The following RABGAP1L variants were observed in gnomAD, a reference collection of about 807,000 sequenced individuals.
The protein encoded by RABGAP1L is rab GTPase-activating protein 1-like.
Under a neutral mutation model 137.7 loss-of-function variants are expected in RABGAP1L, and 63 were observed. That is an observed-to-expected ratio of 0.46 (90% CI 0.37 to 0.56). The LOEUF is 0.56. Ranked by LOEUF, RABGAP1L falls within the 20% of genes least tolerant of loss-of-function variation. RABGAP1L has a pLI of 0.00. For missense variants in RABGAP1L, 1,095 were observed against 1,244.0 expected (o/e 0.88, Z 1.80); for synonymous variants, 431 against 433.7 (o/e 0.99, Z 0.08).
In RABGAP1L at chr1:174,256,308, A is replaced by G. The variant is rs114658894; in HGVS notation, c.986+3718A>G. Among the ~76,000 whole-genome samples the G allele has an allele frequency of 3.9e-3, 595 of 152,210 alleles. 4 individuals are homozygous for G. The highest frequency in any genetic ancestry group is 0.012 in the African/African-American group (514 of 41,530). On this transcript the variant is annotated intron_variant, in intron 7 of 25. Transcript: ENST00000681986. ...CAGATTATATATTGCTGCATAGTTT[A>G]TATGTCCTTCACAGAGTATCACATC...
At chr1:174,717,045 A>C (rs1681077863) in intron 17 of RABGAP1L, among the ~76,000 whole-genome samples, 1 of 152,206 alleles carries the variant, frequency 6.6e-6, no homozygotes, top group African/African-American at 2.4e-5. Flanking sequence ...GAGAAGAATT[A>C]GTGCATTCTT....
At chr1:174,842,122 A>T (rs1225133977) in intron 19 of RABGAP1L, among the ~76,000 whole-genome samples, 3 of 152,242 alleles carry the variant, frequency 2.0e-5, no homozygotes, top group Non-Finnish European at 4.4e-5. Context: ...TAGTTTGTTC[A>T]TATAACAAAT....
intron 17 of RABGAP1L, among the ~76,000 whole-genome samples, chr1:174,744,215 A>G (rs935851996): frequency 3.3e-5 from 5 of 151,888 alleles, no homozygotes; most frequent in African/African-American, 7.3e-5. Context: ...ATCAAGCACC[A>G]TTAGCCAACC....
At chr1:174,440,598 C>T (rs977047858) in intron 13 of RABGAP1L, among the ~76,000 whole-genome samples, 1 of 152,080 alleles carries the variant, frequency 6.6e-6, no homozygotes, top group Non-Finnish European at 1.5e-5. Flanking sequence ...TTTTTTGAGA[C>T]AGTCTCACTC....
At chr1:174,529,188 TATTA>T (rs1209349529) in intron 13 of RABGAP1L, among the ~76,000 whole-genome samples, 1 of 152,012 alleles carries the variant, frequency 6.6e-6, no homozygotes, top group Non-Finnish European at 1.5e-5. Flanking sequence ...TCTTTGGAGG[TATTA>T]ATATTTCCTT....
chr1:174,455,064 GAAAATAACAGTAAT>G (rs1324797833), intron 13 of RABGAP1L, among the ~76,000 whole-genome samples: 1 of 152,014 alleles, frequency 6.6e-6, no homozygotes, highest in African/African-American at 2.4e-5. Context: ...CAAAGGTGAA[GAAAATAACAGTAAT>G]AAATTTAGCA....
intron 13 of RABGAP1L, among the ~76,000 whole-genome samples, chr1:174,453,510 G>T (rs1655674029): frequency 6.6e-6 from 1 of 152,162 alleles, no homozygotes; most frequent in African/African-American, 2.4e-5. Context: ...GAAATCTGCT[G>T]GTATAACATT....
intron 14 of RABGAP1L, among the ~76,000 whole-genome samples, chr1:174,672,214 C>G (rs1432861061): frequency 1.3e-5 from 2 of 148,872 alleles, no homozygotes; most frequent in African/African-American, 2.5e-5. Flanking sequence ...CTCACTTTTT[C>G]TTAGTCTAGG....
chr1:174,414,383 T>C (rs1360545990), intron 13 of RABGAP1L, among the ~76,000 whole-genome samples: 1 of 152,184 alleles, frequency 6.6e-6, no homozygotes, highest in Non-Finnish European at 1.5e-5. Context: ...CCTTTCAGTT[T>C]CTCAGATTAG....
At chr1:174,876,544 A>G (rs1472823373) in intron 19 of RABGAP1L, among the ~76,000 whole-genome samples, 1 of 152,172 alleles carries the variant, frequency 6.6e-6, no homozygotes, top group Non-Finnish European at 1.5e-5. Flanking sequence ...CAAACTTTTC[A>G]TCTGGAAATA....
chr1:174,340,543 A>G (rs1681883275), intron 11 of RABGAP1L, among the ~76,000 whole-genome samples: 1 of 152,120 alleles, frequency 6.6e-6, no homozygotes, highest in Admixed American at 6.5e-5. Flanking sequence ...CTGTTCCTGC[A>G]TTACTTTGCT....
chr1:174,499,359 A>G (rs547914746), intron 13 of RABGAP1L, among the ~76,000 whole-genome samples: 68 of 152,336 alleles, frequency 4.5e-4, no homozygotes, highest in Middle Eastern at 6.8e-3. Context: ...TATACCGTTC[A>G]TATGACTTAG....
chr1:174,796,530 A>T (rs1688252611), intron 18 of RABGAP1L, among the ~76,000 whole-genome samples: 1 of 152,178 alleles, frequency 6.6e-6, no homozygotes, highest in Non-Finnish European at 1.5e-5. Flanking sequence ...ATATCCTGAA[A>T]AAAGGACCAG....
chr1:174,606,613 G>A (rs978689855), intron 13 of RABGAP1L, among the ~76,000 whole-genome samples: 1 of 152,140 alleles, frequency 6.6e-6, no homozygotes, highest in African/African-American at 2.4e-5. Flanking sequence ...ATCTTTATCT[G>A]TTCTCTGCCT....
chr1:174,179,554 A>G (rs1367839493), intron 1 of RABGAP1L, among the ~76,000 whole-genome samples: 2 of 121,780 alleles, frequency 1.6e-5, no homozygotes, highest in African/African-American at 7.0e-5. Flanking sequence ...GCACACACAC[A>G]CACACACACA....
intron 12 of RABGAP1L, among the ~76,000 whole-genome samples, chr1:174,379,012 G>A (rs188099821): frequency 3.5e-5 from 4 of 113,768 alleles, no homozygotes; most frequent in Admixed American, 8.6e-5. Flanking sequence ...TATGGCTAGC[G>A]AGTTTTCCCA....
intron 7 of RABGAP1L, among the ~76,000 whole-genome samples, chr1:174,266,349 C>G (rs1476650215): frequency 6.6e-6 from 1 of 152,106 alleles, no homozygotes; most frequent in African/African-American, 2.4e-5. Context: ...GACTATTGGT[C>G]TTTTTTGAGT....
At chr1:174,476,522 C>T (rs1658528927) in intron 13 of RABGAP1L, among the ~76,000 whole-genome samples, 1 of 152,136 alleles carries the variant, frequency 6.6e-6, no homozygotes, top group Non-Finnish European at 1.5e-5. Context: ...CTATATGTAA[C>T]TCTTTCAAAT....
At chr1:174,530,366 A>T (rs1664283504) in intron 13 of RABGAP1L, among the ~76,000 whole-genome samples, 1 of 152,128 alleles carries the variant, frequency 6.6e-6, no homozygotes, top group African/African-American at 2.4e-5. Context: ...GCACTCAAAA[A>T]TGGTACCTTG....
Sources: allele counts gnomAD v4.1 joint callset (sites outside exome capture counted in the v4.1 genomes callset), GRCh38; gene constraint gnomAD v4.1.1; transcripts MANE v1.5; gene names NCBI Gene and HGNC (gene_info 2026-07-23, HGNC 2026-07-21).